The following ARFGEF2 variants were observed in gnomAD, a reference collection of about 807,000 sequenced individuals.
ARFGEF2 encodes the protein ARF guanine nucleotide exchange factor 2, also known as brefeldin A-inhibited guanine nucleotide-exchange protein 2.
Under a neutral mutation model 219.9 loss-of-function variants are expected in ARFGEF2, and 74 were observed. The ratio of observed to expected loss-of-function variants is 0.34; its 90% CI spans 0.28 to 0.41. The LOEUF (loss-of-function observed/expected upper bound fraction) is 0.41, where lower values mean the gene tolerates loss of function less well. ARFGEF2 is among the 10% of genes least tolerant of loss of function. The pLI, the probability that ARFGEF2 is intolerant of heterozygous loss-of-function variation, is 1.00. For synonymous variants in ARFGEF2, 733 were observed against 799.2 expected (o/e 0.92, Z 1.40); for missense variants, 1,743 against 2,218.3 (o/e 0.79, Z 4.30).
At chr20:48,926,360 A>G (rs1380695748) in intron 1 of ARFGEF2, among the ~76,000 whole-genome samples, 1 of 152,218 alleles carries the variant, frequency 6.6e-6, no homozygotes, top group African/African-American at 2.4e-5. Context: ...TTTTTACTAC[A>G]TATATACTAG....
intron 34 of ARFGEF2, 138 bp downstream of exon 34, chr20:49,019,136 G>C: frequency 1.4e-6 from 1 of 710,060 alleles, no homozygotes; most frequent in East Asian, 2.9e-5. Context: ...AGCAGCCAAG[G>C]TTACCTGTTT....
intron 8 of ARFGEF2, among the ~76,000 whole-genome samples, chr20:48,968,113 C>T (rs1353428377): frequency 6.6e-6 from 1 of 151,942 alleles, no homozygotes; most frequent in African/African-American, 2.4e-5. Context: ...CCTGCCTTAG[C>T]CTCTTGAGTA....
In ARFGEF2 at chr20:49,035,819, T is replaced by A; in HGVS notation, c.*2620T>A. 1 of 194,368 alleles carries A rather than the reference T, an allele frequency of 5.1e-6. No individual in the cohort carries two copies. The highest frequency in any genetic ancestry group is 6.0e-5 in the Admixed American group (1 of 16,614). The allele number at this position is 194,368 out of a possible 1,614,324, so 12.0% of individuals were successfully genotyped here. A position where few individuals can be genotyped will look rare whatever the true frequency, so the allele number is the denominator to read the frequency against. ...GTTAGGGAAATCACCAGCTTTGGCA[T>A]CTTAACAACAAACAGTGGATGGGTA... On this transcript the variant is annotated 3_prime_UTR_variant, in exon 39 of 39. Transcript: ENST00000371917.
At chr20:48,986,904 C>T (rs1187163672) in intron 16 of ARFGEF2, among the ~76,000 whole-genome samples, 3 of 152,090 alleles carry the variant, frequency 2.0e-5, no homozygotes, top group Admixed American at 6.6e-5. Context: ...AGAGTTTCAC[C>T]GTGTTGCCCA....
chr20:48,975,584 G>A (rs1228900129), intron 13 of ARFGEF2, among the ~76,000 whole-genome samples: 22 of 151,964 alleles, frequency 1.4e-4, no homozygotes, highest in Admixed American at 1.2e-3. Flanking sequence ...GGTGGATCAC[G>A]AGGTCAGGTG....
At chr20:48,934,451 G>A (rs1479167800) in intron 1 of ARFGEF2, among the ~76,000 whole-genome samples, 1 of 152,130 alleles carries the variant, frequency 6.6e-6, no homozygotes, top group East Asian at 1.9e-4. Flanking sequence ...CCGTAATCTG[G>A]GTTTTCAGCC....
rs539381681 is a variant in ARFGEF2, at chr20:49,005,754, A to AG, written c.3584+533_3584+534insG. On this transcript the variant is annotated intron_variant, in intron 26 of 38. Coordinates refer to ENST00000371917, the MANE Select transcript of ARFGEF2 (RefSeq NM_006420.3). ...CTCCGTCTCAAAAAAAAAAAAAAAA[A>AG]AAAAGAAAAGAAATATGTCATGAAC... Among the ~76,000 whole-genome samples the AG allele has an allele frequency of 6.2e-3, 930 of 150,834 alleles. 10 individuals carry two copies. The highest frequency in any genetic ancestry group is 0.028 in the South Asian group (134 of 4,716).
At chr20:48,939,581 C>T (rs953208139) in intron 1 of ARFGEF2, among the ~76,000 whole-genome samples, 9 of 152,174 alleles carry the variant, frequency 5.9e-5, no homozygotes, top group African/African-American at 1.9e-4. Flanking sequence ...GAAGCTGGAG[C>T]ATTTCCTTGG....
chr20:48,962,354 A>G (rs1433952944), intron 6 of ARFGEF2, among the ~76,000 whole-genome samples: 3 of 152,196 alleles, frequency 2.0e-5, no homozygotes, highest in Non-Finnish European at 4.4e-5. Context: ...CTGTGACATA[A>G]TGACGGCTAT....
chr20:48,994,711 C>G (rs1258538898), intron 22 of ARFGEF2, 113 bp downstream of exon 22: 2 of 1,475,108 alleles, frequency 1.4e-6, no homozygotes, highest in African/African-American at 1.4e-5. Flanking sequence ...TTTGTGCCAT[C>G]TGACAGTGTT....
chr20:48,926,067 C>G (rs533591114), intron 1 of ARFGEF2, among the ~76,000 whole-genome samples: 70 of 152,214 alleles, frequency 4.6e-4, no homozygotes, highest in African/African-American at 1.7e-3. Flanking sequence ...ATCATCATTC[C>G]CACTGAGGCC....
chr20:48,934,349 T>C (rs1215096908), intron 1 of ARFGEF2, among the ~76,000 whole-genome samples: 1 of 152,108 alleles, frequency 6.6e-6, no homozygotes, highest in Non-Finnish European at 1.5e-5. Context: ...AAAAAAATTA[T>C]TACACTTTTA....
chr20:48,970,286 G>A (rs187233937), intron 9 of ARFGEF2, among the ~76,000 whole-genome samples: 2 of 148,244 alleles, frequency 1.3e-5, no homozygotes, highest in Admixed American at 1.4e-4. Flanking sequence ...CTGAACTCTA[G>A]CCTGGGCAAC....
chr20:49,020,759 G>A (rs980600249), intron 34 of ARFGEF2, among the ~76,000 whole-genome samples: 1 of 151,928 alleles, frequency 6.6e-6, no homozygotes, highest in Non-Finnish European at 1.5e-5. Flanking sequence ...TTTTCTTCAC[G>A]AGCTCCAGAT....
At chr20:48,925,141 T>C (rs2090869038) in intron 1 of ARFGEF2, among the ~76,000 whole-genome samples, 1 of 152,186 alleles carries the variant, frequency 6.6e-6, no homozygotes, top group Non-Finnish European at 1.5e-5. Flanking sequence ...ACAGGGGTTG[T>C]CCTTTGTAAA....
chr20:48,981,731 T>C (rs2091297116), intron 14 of ARFGEF2, among the ~76,000 whole-genome samples: 1 of 152,224 alleles, frequency 6.6e-6, no homozygotes, highest in Non-Finnish European at 1.5e-5. Context: ...TTCATTAATT[T>C]GATCTTCAGT....
At chr20:49,022,254 G>C (rs1331119300) in intron 34 of ARFGEF2, among the ~76,000 whole-genome samples, 1 of 150,914 alleles carries the variant, frequency 6.6e-6, no homozygotes, top group Non-Finnish European at 1.5e-5. Context: ...AGAAAATGCA[G>C]AAAGCAACAA....
At chr20:48,953,337 A>C (rs920431686) in intron 5 of ARFGEF2, among the ~76,000 whole-genome samples, 1 of 151,712 alleles carries the variant, frequency 6.6e-6, no homozygotes, top group Non-Finnish European at 1.5e-5. Flanking sequence ...CACCACACCC[A>C]GCTAATTTTT....
chr20:48,972,506 T>A, intron 11 of ARFGEF2, 81 bp downstream of exon 11: 1 of 1,088,408 alleles, frequency 9.2e-7, no homozygotes, highest in Non-Finnish European at 1.4e-6. Flanking sequence ...TTCTAACCCC[T>A]CCTTTTAGAG....
Sources: allele counts gnomAD v4.1 joint callset (sites outside exome capture counted in the v4.1 genomes callset), GRCh38; gene constraint gnomAD v4.1.1; transcripts MANE v1.5; gene names NCBI Gene and HGNC (gene_info 2026-07-23, HGNC 2026-07-21).